Variants in ZNF12 observed in about 807,000 individuals in gnomAD.
ZNF12 encodes the protein zinc finger protein 12.
A neutral mutation model predicts 66.6 loss-of-function variants in ZNF12; 34 were observed. The ratio of observed to expected loss-of-function variants is 0.51; its 90% CI spans 0.39 to 0.68. The LOEUF (loss-of-function observed/expected upper bound fraction) is 0.68. Ranked by LOEUF, ZNF12 falls within the 30% of genes least tolerant of loss-of-function variation. The pLI, the probability that ZNF12 is intolerant of heterozygous loss-of-function variation, is 0.00. For synonymous variants in ZNF12, 320 were observed against 278.9 expected (o/e 1.15, Z -1.47); for missense variants, 697 against 826.9 (o/e 0.84, Z 1.93).
chr7:6,706,762 G>A lies in ZNF12; in HGVS notation c.-381C>T, dbSNP rs1417158334. On this transcript the variant is annotated 5_prime_UTR_variant, in exon 1 of 5. Transcript: ENST00000405858. ...CTTGGGCCCCAGCGCCGTCGGCTCCGGGGGTCGTGCTCGGGGATCCCCGCT... is the reference window on the plus strand; with the variant it reads ...CTTGGGCCCCAGCGCCGTCGGCTCCAGGGGTCGTGCTCGGGGATCCCCGCT... The A allele has an allele frequency of 2.1e-5, 5 of 233,154 alleles. No homozygotes were observed. The highest frequency in any genetic ancestry group is 2.5e-5 in the Non-Finnish European group (3 of 118,034). 14.4% of individuals were successfully genotyped at this position (233,154 alleles called of 1,614,324 possible). A position where few individuals can be genotyped will look rare whatever the true frequency, so the allele number is the denominator to read the frequency against.
rs59156870 is a variant in ZNF12, at chr7:6,702,486, C to CCACACA, written c.15+2667_15+2672dup. Among the ~76,000 whole-genome samples the CCACACA allele has an allele frequency of 5.8e-4, 25 of 42,758 alleles. 6 individuals carry two copies. The highest frequency in any genetic ancestry group is 3.9e-3 in the East Asian group (7 of 1,818). The allele number at this position is 42,758 out of a possible 152,430, so 28.1% of individuals were successfully genotyped here. A position where few individuals can be genotyped will look rare whatever the true frequency, so the allele number is the denominator to read the frequency against. ...ACGCACCAGATTCGTCTCCCAAACTCCACACACACACACACACACACAGAT... is the reference window on the plus strand; with the variant it reads ...ACGCACCAGATTCGTCTCCCAAACTCCACACACACACACACACACACACACACAGAT... On this transcript the variant is annotated intron_variant, in intron 2 of 4. Transcript: ENST00000405858.
Position 6,689,346 on chromosome 7 carries a change from C to T in ZNF12, c.*1502G>A, listed in dbSNP as rs1425829132. On this transcript the variant is annotated 3_prime_UTR_variant, in exon 5 of 5. Transcript: ENST00000405858. ...CATCCAGACAAGGTACTGTTCACCACAAGATTCCACTTCCCTTTGCTTGAA... is the reference window on the plus strand; with the variant it reads ...CATCCAGACAAGGTACTGTTCACCATAAGATTCCACTTCCCTTTGCTTGAA... The T allele has an allele frequency of 6.6e-6, 1 of 152,230 alleles. No individual in the cohort carries two copies. The highest frequency in any genetic ancestry group is 1.5e-5 in the Non-Finnish European group (1 of 68,058). The allele number at this position is 152,230 out of a possible 1,614,324, so 9.4% of individuals were successfully genotyped here. A position where few individuals can be genotyped will look rare whatever the true frequency, so the allele number is the denominator to read the frequency against.
At position 6,688,532 on chromosome 7, in the gene ZNF12, T is replaced by C. The variant is rs1049221203; in HGVS notation, c.*2316A>G. 6.6e-6 allele frequency: 1 copy of C among 152,222 alleles called. No individual in the cohort carries two copies. Among genetic ancestry groups the C allele is most frequent in the African/African-American group, 2.4e-5 (1 of 41,458 alleles). The allele number at this position is 152,222 out of a possible 1,614,324, so 9.4% of individuals were successfully genotyped here. A position where few individuals can be genotyped will look rare whatever the true frequency, so the allele number is the denominator to read the frequency against. ...CCTCCATAGGTATCATTTCCACAAA[T>C]ATGCTATGAATATAGAGTTCCTACA... On this transcript the variant is annotated 3_prime_UTR_variant, in exon 5 of 5. Coordinates refer to ENST00000405858, the MANE Select transcript of ZNF12 (RefSeq NM_016265.4). This position sits in a 1 kb window ranked among gnomAD's most constrained non-coding sequence, Gnocchi z 4.3.
intron 4 of ZNF12, among the ~76,000 whole-genome samples, chr7:6,693,068 C>A (rs545429050): frequency 6.6e-6 from 1 of 152,060 alleles, no homozygotes; most frequent in Non-Finnish European, 1.5e-5. Flanking sequence ...CAGGGTAGAG[C>A]GATAAGGAGT....
In ZNF12 at chr7:6,696,994, C is replaced by T. The variant is rs1008020315; in HGVS notation, c.238+345G>A. On this transcript the variant is annotated intron_variant, in intron 4 of 4. Transcript: ENST00000405858. The surrounding 1 kb of genome is among the most constrained non-coding windows in gnomAD (Gnocchi z 4.0). ...TAAAAAAAAAAAACCAGAAGTTACA[C>T]GAAGAACACAAGAATCACATAAGTT... Among the ~76,000 whole-genome samples, 8 of 151,610 alleles carry T rather than the reference C, an allele frequency of 5.3e-5. No individual in the cohort carries two copies. Among genetic ancestry groups the T allele is most frequent in the African/African-American group, 1.7e-4 (7 of 41,218 alleles).
At position 6,696,826 on chromosome 7, in the gene ZNF12, A is replaced by G. The variant is rs1358720452; in HGVS notation, c.238+513T>C. 6.6e-6 allele frequency among the ~76,000 whole-genome samples: 1 copy of G among 152,164 alleles called. No homozygotes were observed. The highest frequency in any genetic ancestry group is 1.5e-5 in the Non-Finnish European group (1 of 68,032). On this transcript the variant is annotated intron_variant, in intron 4 of 4. Coordinates refer to ENST00000405858, the MANE Select transcript of ZNF12 (RefSeq NM_016265.4). This position sits in a 1 kb window ranked among gnomAD's most constrained non-coding sequence, Gnocchi z 4.0. ...GTCTCAGGAATGAGCAGCACTGTCC[A>G]ATGAAGCACAGGTGCACATGACAAG...
rs545845182 is a variant in ZNF12, at chr7:6,703,183, C to T, written c.15+1976G>A. ...CTGCTTTACCCACAGTCTTCCCCAT[C>T]CCAGCTTCAGGCAACCTCATTTTCG... On this transcript the variant is annotated intron_variant, in intron 2 of 4. Coordinates refer to ENST00000405858, the MANE Select transcript of ZNF12 (RefSeq NM_016265.4). Among the ~76,000 whole-genome samples, 140 of 152,332 alleles carry T rather than the reference C, an allele frequency of 9.2e-4. 1 individual carries two copies. The highest frequency in any genetic ancestry group is 3.2e-3 in the African/African-American group (133 of 41,570).
rs1780021767 is a variant in ZNF12 at position 6,688,503 on chromosome 7, G to A, written c.*2345C>T. 6.6e-6 allele frequency: 1 copy of A among 152,158 alleles called. No individual in the cohort carries two copies. The highest frequency in any genetic ancestry group is 1.5e-5 in the Non-Finnish European group (1 of 68,030). The allele number at this position is 152,158 out of a possible 1,614,324, so 9.4% of individuals were successfully genotyped here. ...AATGTATAATGACACACCAGTGTGAGAAACCTCCATAGGTATCATTTCCAC... is the reference window on the plus strand; with the variant it reads ...AATGTATAATGACACACCAGTGTGAAAAACCTCCATAGGTATCATTTCCAC... On this transcript the variant is annotated 3_prime_UTR_variant, in exon 5 of 5. Coordinates refer to ENST00000405858, the MANE Select transcript of ZNF12 (RefSeq NM_016265.4). This position sits in a 1 kb window ranked among gnomAD's most constrained non-coding sequence, Gnocchi z 4.3.
rs1382200525 is a variant in ZNF12, at chr7:6,691,632, T to C, written c.1310A>G (p.Tyr437Cys). 1 of 1,614,104 alleles carries C rather than the reference T, an allele frequency of 6.2e-7. No individual in the cohort carries two copies. Among genetic ancestry groups the C allele is most frequent in the Admixed American group, 1.7e-5 (1 of 60,036 alleles). The change falls in exon 5 of 5, where the codon TAT (tyrosine) becomes TGT (cysteine). Residue 437 changes from tyrosine to cysteine, a missense_variant. Tyr to Cys is a radical substitution (Grantham distance 194). Transcript: ENST00000405858. The part of the protein sequence containing the change: ...HLRTHTGEKP[Y>C]ECNECGKFFS... ...GAATTTTCCACACTCATTACATTCATACGGTTTCTCTCCTGTGTGGGTCCT... is the reference window on the plus strand; with the variant it reads ...GAATTTTCCACACTCATTACATTCACACGGTTTCTCTCCTGTGTGGGTCCT...
rs754375412 is a variant in ZNF12, at chr7:6,692,475, C to G, written c.467G>C (p.Ser156Thr). The G allele has an allele frequency of 7.4e-5, 119 of 1,613,224 alleles. No homozygotes were observed. The highest frequency in any genetic ancestry group is 3.3e-4 in the Middle Eastern group (2 of 6,082). ...TTTCATTCTTGCATAGCTTCCATCACTACTAATATATTCTGAAACAGACGT... is the reference window on the plus strand; with the variant it reads ...TTTCATTCTTGCATAGCTTCCATCAGTACTAATATATTCTGAAACAGACGT... ...CLTSVSEYIS[S>T]DGSYARMKAD... The change falls in exon 5 of 5, where the codon AGT becomes ACT. Residue 156 changes from serine (S) to threonine (T), a missense_variant. By Grantham distance (58) the Ser-to-Thr change is moderately conservative. Around this residue, in one of 3 missense-constraint regions of ZNF12, gnomAD observed 241 missense variants for 224.0 expected, o/e 1.08. Transcript: ENST00000405858. This position sits in a 1 kb window ranked among gnomAD's most constrained non-coding sequence, Gnocchi z 5.1.
chr7:6,693,470 A>G (rs191165764), intron 4 of ZNF12, among the ~76,000 whole-genome samples: 14 of 152,368 alleles, frequency 9.2e-5, no homozygotes, highest in Admixed American at 3.3e-4. Context: ...GATCAACTGG[A>G]AACTTCAGTA....
rs1473616430 is a variant in ZNF12 at position 6,690,597 on chromosome 7, A to C, written c.*251T>G. On this transcript the variant is annotated 3_prime_UTR_variant, in exon 5 of 5. Transcript: ENST00000405858. ...CTGATATGCAAAACAGTTCCAATCC[A>C]TGGTGACATGTATATACATTCTTAA... 5 of 371,238 alleles carry C rather than the reference A, an allele frequency of 1.3e-5. No individual in the cohort carries two copies. In the Admixed American group the frequency reaches 2.1e-4, roughly 16 times the overall value. 23.0% of individuals were successfully genotyped at this position (371,238 alleles called of 1,614,324 possible).
intron 2 of ZNF12, among the ~76,000 whole-genome samples, chr7:6,703,633 A>T (rs561344993): frequency 6.6e-6 from 1 of 152,270 alleles, no homozygotes; most frequent in South Asian, 2.1e-4. Context: ...CTTTGGACAC[A>T]CTCCAAAGAA....
In ZNF12 at chr7:6,689,905, A is replaced by G. The variant is rs935541454; in HGVS notation, c.*943T>C. 3.9e-5 allele frequency: 6 copies of G among 152,436 alleles called. No homozygotes were observed. Among genetic ancestry groups the G allele is most frequent in the African/African-American group, 1.2e-4 (5 of 41,476 alleles). The allele number at this position is 152,436 out of a possible 1,614,324, so 9.4% of individuals were successfully genotyped here. ...CCAAATAAAAAACAGTAGAAAAAAA[A>G]ATAGATACAAATGGGAATATTTTAA... On this transcript the variant is annotated 3_prime_UTR_variant, in exon 5 of 5. Coordinates refer to ENST00000405858, the MANE Select transcript of ZNF12 (RefSeq NM_016265.4).
At chr7:6,701,971 A>G (rs1179245255) in intron 2 of ZNF12, among the ~76,000 whole-genome samples, 1 of 142,092 alleles carries the variant, frequency 7.0e-6, no homozygotes, top group African/African-American at 2.7e-5. Flanking sequence ...AAAAAAAAAA[A>G]TTCTCAATAG....
At chr7:6,699,687 C>T (rs1486428605) in intron 2 of ZNF12, among the ~76,000 whole-genome samples, 1 of 152,136 alleles carries the variant, frequency 6.6e-6, no homozygotes, top group Non-Finnish European at 1.5e-5. Flanking sequence ...GGAAAGTCAG[C>T]CTGGTTTCCT....
chr7:6,699,232 C>A (rs1253474063), intron 2 of ZNF12, among the ~76,000 whole-genome samples: 1 of 152,178 alleles, frequency 6.6e-6, no homozygotes, highest in African/African-American at 2.4e-5. Flanking sequence ...ATGTTCAGAG[C>A]TACGTAAGAT....
At chr7:6,700,033 A>C (rs139450948) in intron 2 of ZNF12, among the ~76,000 whole-genome samples, 8,044 of 151,344 alleles carry the variant, frequency 0.053, 297 homozygotes, top group Non-Finnish European at 0.086. Flanking sequence ...CACCTGTAAT[A>C]CCAGCACTTT....
chr7:6,700,418 G>T (rs2115353383), intron 2 of ZNF12, among the ~76,000 whole-genome samples: 1 of 151,528 alleles, frequency 6.6e-6, no homozygotes, highest in Admixed American at 6.6e-5. Flanking sequence ...TCACACTTCT[G>T]TCCTATAGAT....
Sources: gnomAD v4.1 joint callset for allele counts (sites outside exome capture counted in the v4.1 genomes callset) on GRCh38, gnomAD v4.1.1 for gene constraint, gnomAD v4.1.1 regional missense constraint, Gnocchi (gnomAD v3.1) non-coding constraint, MANE v1.5 for transcripts, NCBI Gene and HGNC (gene_info 2026-07-23, HGNC 2026-07-21) for gene names.